Variants in KCNIP4 observed in about 807,000 individuals in gnomAD.
The protein encoded by KCNIP4 is potassium voltage-gated channel interacting protein 4, also known as Kv channel-interacting protein 4.
A neutral mutation model predicts 34.0 loss-of-function variants in KCNIP4; 12 were observed. The observed-to-expected ratio is 0.35, with a 90% CI of 0.23 to 0.57. KCNIP4 has a LOEUF of 0.57. KCNIP4 is among the 20% of genes least tolerant of loss of function. KCNIP4 has a pLI of 0.83. For synonymous variants in KCNIP4, 124 were observed against 102.2 expected (o/e 1.21, Z -1.29); for missense variants, 238 against 311.7 (o/e 0.76, Z 1.78).
chr4:21,124,774 A>G (rs1047122184), intron 1 of KCNIP4, among the ~76,000 whole-genome samples: 2 of 152,056 alleles, frequency 1.3e-5, no homozygotes, highest in Admixed American at 6.6e-5. Context: ...TTGACAACAG[A>G]TACCTGACCC....
rs114585485 is a variant in KCNIP4, at chr4:21,840,949, C to A, written c.61+107622G>T. On this transcript the variant is annotated intron_variant, in intron 1 of 8. Coordinates refer to ENST00000382152, the MANE Select transcript of KCNIP4 (RefSeq NM_025221.6). Reference sequence around the variant, plus strand: ...TTCTATTGCTGACAACCAAATTAAACTAACTTATATCATGGGGATATTTTC... The same window carrying A: ...TTCTATTGCTGACAACCAAATTAAAATAACTTATATCATGGGGATATTTTC... Among the ~76,000 whole-genome samples the A allele has an allele frequency of 7.1e-3, 1,088 of 152,252 alleles. 19 individuals are homozygous for A. The highest frequency in any genetic ancestry group is 0.025 in the African/African-American group (1,031 of 41,562).
At chr4:21,290,250 T>C (rs1763356519) in intron 1 of KCNIP4, among the ~76,000 whole-genome samples, 1 of 152,124 alleles carries the variant, frequency 6.6e-6, no homozygotes, top group Admixed American at 6.5e-5. Context: ...AACTCATAAC[T>C]CCTCAATGTT....
intron 1 of KCNIP4, among the ~76,000 whole-genome samples, chr4:21,178,706 C>T (rs1312925245): frequency 6.6e-6 from 1 of 152,056 alleles, no homozygotes; most frequent in Non-Finnish European, 1.5e-5. Context: ...GTCCTGTCGT[C>T]AGCCATATTT....
chr4:21,695,035 T>C (rs1214668223), intron 1 of KCNIP4, among the ~76,000 whole-genome samples: 1 of 152,000 alleles, frequency 6.6e-6, no homozygotes, highest in East Asian at 1.9e-4. Context: ...AGATACATGC[T>C]GATTGCTCAG....
chr4:21,932,423 T>C (rs1022028408), intron 1 of KCNIP4, among the ~76,000 whole-genome samples: 6 of 152,106 alleles, frequency 3.9e-5, no homozygotes, highest in African/African-American at 1.4e-4. Flanking sequence ...TCATTACCTA[T>C]GTGATACTTG....
At chr4:21,732,179 A>G (rs1384506831) in intron 1 of KCNIP4, among the ~76,000 whole-genome samples, 1 of 152,044 alleles carries the variant, frequency 6.6e-6, no homozygotes, top group Non-Finnish European at 1.5e-5. Context: ...TAGCTTGGAA[A>G]ATCTACTAGT....
intron 1 of KCNIP4, among the ~76,000 whole-genome samples, chr4:21,190,630 A>G (rs1755569834): frequency 6.6e-6 from 1 of 152,208 alleles, no homozygotes; most frequent in African/African-American, 2.4e-5. Flanking sequence ...AAAGGTTAGC[A>G]AACAGTTATC....
intron 1 of KCNIP4, among the ~76,000 whole-genome samples, chr4:21,702,175 G>A (rs1460056232): frequency 2.0e-5 from 3 of 152,070 alleles, no homozygotes; most frequent in East Asian, 1.9e-4. Flanking sequence ...GTCCAAGATC[G>A]AGGTGCCAGA....
intron 1 of KCNIP4, among the ~76,000 whole-genome samples, chr4:21,626,078 T>C (rs1331558774): frequency 6.6e-6 from 1 of 152,202 alleles, no homozygotes; most frequent in Non-Finnish European, 1.5e-5. Flanking sequence ...ATATTTATAC[T>C]AAAATATTGC....
At chr4:21,922,378 A>G (rs1350205732) in intron 1 of KCNIP4, among the ~76,000 whole-genome samples, 3 of 152,158 alleles carry the variant, frequency 2.0e-5, no homozygotes, top group African/African-American at 7.2e-5. Flanking sequence ...GACACAATAC[A>G]CATGCCCAGT....
At chr4:20,968,159 A>T (rs1734563432) in intron 1 of KCNIP4, among the ~76,000 whole-genome samples, 1 of 152,252 alleles carries the variant, frequency 6.6e-6, no homozygotes, top group Non-Finnish European at 1.5e-5. Flanking sequence ...TTATGCAGCC[A>T]AAAGACACAT....
At chr4:21,932,647 T>G (rs780935869) in intron 1 of KCNIP4, among the ~76,000 whole-genome samples, 1 of 151,986 alleles carries the variant, frequency 6.6e-6, no homozygotes, top group African/African-American at 2.4e-5. Flanking sequence ...AAATCAAAAC[T>G]TTCAGGCCAG....
intron 1 of KCNIP4, among the ~76,000 whole-genome samples, chr4:21,169,678 G>GTGTGTGTGTT (rs1196465510): frequency 6.6e-6 from 1 of 151,102 alleles, no homozygotes; most frequent in Non-Finnish European, 1.5e-5. Flanking sequence ...GTGTGTGTGT[G>GTGTGTGTGTT]TGTGTGTGTG....
At chr4:21,052,828 G>T (rs1369059954) in intron 1 of KCNIP4, among the ~76,000 whole-genome samples, 2 of 152,126 alleles carry the variant, frequency 1.3e-5, no homozygotes, top group Admixed American at 1.3e-4. Context: ...ATCTGTGTGA[G>T]TCTCCAGGAG....
chr4:20,794,647 G>A (rs1202526162), intron 3 of KCNIP4, among the ~76,000 whole-genome samples: 1 of 152,204 alleles, frequency 6.6e-6, no homozygotes, highest in African/African-American at 2.4e-5. Context: ...TGGATGGAAA[G>A]ATTTATCATT....
At chr4:21,014,739 A>G (rs562754401) in intron 1 of KCNIP4, among the ~76,000 whole-genome samples, 29 of 152,308 alleles carry the variant, frequency 1.9e-4, no homozygotes, top group Non-Finnish European at 2.6e-4. Context: ...TAGCATTACC[A>G]TTGACTCAGC....
chr4:21,118,520 G>C (rs780572679), intron 1 of KCNIP4, among the ~76,000 whole-genome samples: 1 of 152,102 alleles, frequency 6.6e-6, no homozygotes, highest in Non-Finnish European at 1.5e-5. Context: ...TCCCATTCCC[G>C]TGTCTGCCTT....
At chr4:21,327,239 G>T (rs1027743147) in intron 1 of KCNIP4, among the ~76,000 whole-genome samples, 2 of 152,050 alleles carry the variant, frequency 1.3e-5, no homozygotes, top group African/African-American at 2.4e-5. Flanking sequence ...GACATATGTG[G>T]TGTTGATAAC....
chr4:21,697,316 T>TAAAAAAAA lies in KCNIP4; in HGVS notation c.61+251247_61+251254dup, dbSNP rs537856921. On this transcript the variant is annotated intron_variant, in intron 1 of 8. Transcript: ENST00000382152. The stretch of plus-strand genomic sequence containing the variant: ...ATTACCATGCTCTACTAGCCTCTAC[T>TAAAAAAAA]AAAAAAAAAAAAAAAAAAAAAAAAA... 4.2e-5 allele frequency: 51 copies of TAAAAAAAA among 1,227,162 alleles called. 2 individuals are homozygous for TAAAAAAAA. The African/African-American group carries it at 1.1e-3, about 26-fold the overall frequency. 76.0% of individuals were successfully genotyped at this position (1,227,162 alleles called of 1,614,324 possible).
Sources: gnomAD v4.1 joint callset for allele counts (sites outside exome capture counted in the v4.1 genomes callset) on GRCh38, gnomAD v4.1.1 for gene constraint, MANE v1.5 for transcripts, NCBI Gene and HGNC (gene_info 2026-07-23, HGNC 2026-07-21) for gene names.